The following ARNT2 variants were observed in gnomAD, a reference collection of about 807,000 sequenced individuals.
ARNT2 encodes ARNT protein 2.
Under a neutral mutation model 91.7 loss-of-function variants are expected in ARNT2, and 36 were observed. That is an observed-to-expected ratio of 0.39 (90% CI 0.30 to 0.52). The LOEUF is 0.52. Ranked by LOEUF, ARNT2 falls within the 20% of genes least tolerant of loss-of-function variation. ARNT2 has a pLI of 0.72. For missense variants in ARNT2, 775 were observed against 939.3 expected (o/e 0.83, Z 2.29); for synonymous variants, 365 against 347.1 (o/e 1.05, Z -0.57).
At chr15:80,558,566 C>T (rs1234485748) in intron 11 of ARNT2, among the ~76,000 whole-genome samples, 1 of 152,042 alleles carries the variant, frequency 6.6e-6, no homozygotes, top group Non-Finnish European at 1.5e-5. Flanking sequence ...TCTCAAACTC[C>T]TGACCTCAAG....
At chr15:80,437,448 A>G (rs1013121892) in intron 1 of ARNT2, among the ~76,000 whole-genome samples, 2 of 152,018 alleles carry the variant, frequency 1.3e-5, no homozygotes, top group African/African-American at 2.4e-5. Context: ...TACCGTGCAC[A>G]TTTACTACTG....
At chr15:80,473,304 A>G (rs74027979) in intron 4 of ARNT2, among the ~76,000 whole-genome samples, 12,686 of 152,150 alleles carry the variant, frequency 0.083, 1,002 homozygotes, top group East Asian at 0.28. Context: ...ATGGTCTCCC[A>G]GGGAATACAC....
rs1481892420 is a variant in ARNT2 at position 80,574,162 on chromosome 15, A to C, written c.1331A>C (p.Gln444Pro). Residue 444 changes from glutamine to proline, a missense_variant, in exon 13 of 19, where the codon CAG (glutamine) becomes CCG (proline). Physicochemically the swap from Gln to Pro is moderately conservative, Grantham distance 76. Transcript: ENST00000303329. ...TNTNVKQLQQQQAELEVHQRD... is the reference protein window; with the variant it reads ...TNTNVKQLQQPQAELEVHQRD... ...TTGTTTCACAGGCAACTTCAGCAAC[A>C]GCAGGCAGAATTGGAAGTGCACCAG... 6.2e-7 allele frequency: 1 copy of C among 1,614,142 alleles called. No individual in the cohort carries two copies. The highest frequency in any genetic ancestry group is 2.2e-5 in the East Asian group (1 of 44,892).
rs1198226379 is a variant in ARNT2 at position 80,563,078 on chromosome 15, G to C, written c.1165-10G>C. On this transcript the variant is annotated splice_polypyrimidine_tract_variant and intron_variant, in intron 11 of 18. Transcript: ENST00000303329. ...CTCCTGCTGACTTCCTTCTCCAAATGTTTTCTCAGGTGGTTAAGCTGAAAG... is the reference window on the plus strand; with the variant it reads ...CTCCTGCTGACTTCCTTCTCCAAATCTTTTCTCAGGTGGTTAAGCTGAAAG... 1 of 1,614,028 alleles carries C rather than the reference G, an allele frequency of 6.2e-7. No individual in the cohort carries two copies. Among genetic ancestry groups the C allele is most frequent in the Admixed American group, 1.7e-5 (1 of 60,006 alleles).
intron 8 of ARNT2, among the ~76,000 whole-genome samples, chr15:80,521,300 T>A (rs1436976366): frequency 6.6e-6 from 1 of 152,148 alleles, no homozygotes; most frequent in Non-Finnish European, 1.5e-5. Flanking sequence ...AGTTACACTT[T>A]TTTTTTCTAA....
intron 2 of ARNT2, among the ~76,000 whole-genome samples, chr15:80,454,436 T>C (rs901547531): frequency 4.6e-5 from 7 of 152,220 alleles, no homozygotes; most frequent in African/African-American, 1.7e-4. Flanking sequence ...GGAAAAACTA[T>C]TTTCAAGTTA....
chr15:80,413,895 C>T (rs946819063), intron 1 of ARNT2, among the ~76,000 whole-genome samples: 4 of 152,110 alleles, frequency 2.6e-5, no homozygotes, highest in Non-Finnish European at 4.4e-5. Flanking sequence ...CTGTTTTGGC[C>T]TGGACCACCC....
At chr15:80,580,591 A>T (rs779177297) in intron 16 of ARNT2, 42 bp downstream of exon 16, 2 of 1,612,216 alleles carry the variant, frequency 1.2e-6, no homozygotes, top group Non-Finnish European at 1.7e-6. Context: ...GTGACCAGAG[A>T]GGCAGAGCAC....
chr15:80,570,947 C>G (rs1201493872), intron 12 of ARNT2, among the ~76,000 whole-genome samples: 1 of 152,170 alleles, frequency 6.6e-6, no homozygotes, highest in East Asian at 1.9e-4. Flanking sequence ...TTCAAGGAGG[C>G]CTTCCCTTAT....
intron 8 of ARNT2, among the ~76,000 whole-genome samples, chr15:80,518,925 T>TGG (rs554617484): frequency 8.4e-4 from 127 of 151,984 alleles, no homozygotes; most frequent in African/African-American, 2.8e-3. Flanking sequence ...CTACCAGAGA[T>TGG]TGGGGGGGTG....
At chr15:80,457,140 A>G (rs1413243033) in intron 2 of ARNT2, among the ~76,000 whole-genome samples, 1 of 152,238 alleles carries the variant, frequency 6.6e-6, no homozygotes, top group Non-Finnish European at 1.5e-5. Flanking sequence ...TTACCATTAC[A>G]GAGACATGAT....
At chr15:80,413,812 G>A (rs1173140703) in intron 1 of ARNT2, among the ~76,000 whole-genome samples, 1 of 152,190 alleles carries the variant, frequency 6.6e-6, no homozygotes, top group Non-Finnish European at 1.5e-5. Context: ...GTGGCTGAGC[G>A]AGGGAGGTGG....
intron 3 of ARNT2, among the ~76,000 whole-genome samples, chr15:80,466,580 C>G (rs1286195493): frequency 6.6e-6 from 1 of 152,274 alleles, no homozygotes. Flanking sequence ...TGTCTCCTCA[C>G]TCTGGGGAAG....
At chr15:80,491,609 A>C (rs1420413654) in intron 5 of ARNT2, among the ~76,000 whole-genome samples, 7 of 152,150 alleles carry the variant, frequency 4.6e-5, no homozygotes, top group Non-Finnish European at 8.8e-5. Flanking sequence ...TGCAAGAAGC[A>C]GTCCCTGAAA....
intron 17 of ARNT2, 56 bp downstream of exon 17, chr15:80,581,460 A>C: frequency 1.2e-6 from 2 of 1,604,462 alleles, no homozygotes; most frequent in Middle Eastern, 3.3e-4. Context: ...ATGCTTTCTG[A>C]ACAGCCTGAA....
intron 1 of ARNT2, among the ~76,000 whole-genome samples, chr15:80,445,319 G>T (rs566969983): frequency 2.9e-4 from 42 of 145,564 alleles, no homozygotes; most frequent in Admixed American, 1.9e-3. Context: ...GTGGTGTGGG[G>T]GTGTGTGGTG....
At position 80,594,371 on chromosome 15, in the gene ARNT2, T is replaced by A. The variant is rs2141491699; in HGVS notation, c.*673T>A. ...GTGATTGTATAGAATCCAGAGTATGTAGAGAGCCAAAATGTGTGGCCCTGT... is the reference window on the plus strand; with the variant it reads ...GTGATTGTATAGAATCCAGAGTATGAAGAGAGCCAAAATGTGTGGCCCTGT... On this transcript the variant is annotated 3_prime_UTR_variant, in exon 19 of 19. Transcript: ENST00000303329. 1 of 152,468 alleles carries A rather than the reference T, an allele frequency of 6.6e-6. No individual in the cohort carries two copies. The highest frequency in any genetic ancestry group is 1.9e-4 in the East Asian group (1 of 5,188). 9.4% of individuals were successfully genotyped at this position (152,468 alleles called of 1,614,324 possible).
At chr15:80,490,361 AAGG>A (rs1897038083) in intron 5 of ARNT2, among the ~76,000 whole-genome samples, 1 of 152,224 alleles carries the variant, frequency 6.6e-6, no homozygotes, top group Non-Finnish European at 1.5e-5. Context: ...AGGCGGCTTC[AAGG>A]AGAAGGCTCT....
chr15:80,468,995 A>C (rs942131964), intron 3 of ARNT2, among the ~76,000 whole-genome samples: 2 of 152,166 alleles, frequency 1.3e-5, no homozygotes, highest in Non-Finnish European at 2.9e-5. Flanking sequence ...TAAGCTAATT[A>C]ATACATGCAG....
Sources: allele counts gnomAD v4.1 joint callset (sites outside exome capture counted in the v4.1 genomes callset), GRCh38; gene constraint gnomAD v4.1.1; transcripts MANE v1.5; gene names NCBI Gene and HGNC (gene_info 2026-07-23, HGNC 2026-07-21).